Variants in NCOA1 observed in about 807,000 individuals in gnomAD.
NCOA1 encodes the protein Hin-2 protein.
In NCOA1, 35 loss-of-function variants were observed where a neutral mutation model predicts 150.9. The observed-to-expected ratio is 0.23, with a 90% CI of 0.18 to 0.31. NCOA1 has a LOEUF of 0.31. NCOA1 is among the 10% of genes least tolerant of loss of function. The pLI is 1.00. For missense variants in NCOA1, 1,491 were observed against 1,749.3 expected (o/e 0.85, Z 2.63); for synonymous variants, 590 against 630.0 (o/e 0.94, Z 0.95).
intron 19 of NCOA1, among the ~76,000 whole-genome samples, chr2:24,743,610 G>C (rs55821664): frequency 6.6e-6 from 1 of 152,288 alleles, no homozygotes; most frequent in African/African-American, 2.4e-5. Context: ...TTATTTCCAT[G>C]TGTCTTACAA....
intron 3 of NCOA1, among the ~76,000 whole-genome samples, chr2:24,605,520 A>G (rs1016279009): frequency 1.3e-5 from 2 of 152,192 alleles, no homozygotes; most frequent in Non-Finnish European, 2.9e-5. Flanking sequence ...TTTTTCTACT[A>G]TGAACAATTG....
chr2:24,587,868 C>G (rs1309125048), intron 3 of NCOA1, among the ~76,000 whole-genome samples: 5 of 152,150 alleles, frequency 3.3e-5, no homozygotes, highest in Non-Finnish European at 5.9e-5. Flanking sequence ...AAATCTGATT[C>G]AGTAAGTCTA....
At chr2:24,666,778 G>A (rs1264129071) in intron 6 of NCOA1, among the ~76,000 whole-genome samples, 1 of 151,972 alleles carries the variant, frequency 6.6e-6, no homozygotes, top group African/African-American at 2.4e-5. Flanking sequence ...GATTACAAGT[G>A]CGCGCCACTA....
intron 14 of NCOA1, among the ~76,000 whole-genome samples, chr2:24,714,384 C>T (rs910137619): frequency 2.6e-5 from 4 of 151,594 alleles, no homozygotes; most frequent in African/African-American, 9.7e-5. Flanking sequence ...GTTAATAGAT[C>T]CAGAAATGAC....
chr2:24,679,971 T>C (rs2148534039), intron 7 of NCOA1, among the ~76,000 whole-genome samples: 1 of 152,342 alleles, frequency 6.6e-6, no homozygotes, highest in Non-Finnish European at 1.5e-5. Flanking sequence ...TTATATTCTT[T>C]GTGATGGAGT....
At chr2:24,569,132 G>T (rs1021043812) in intron 2 of NCOA1, among the ~76,000 whole-genome samples, 1 of 151,904 alleles carries the variant, frequency 6.6e-6, no homozygotes, top group African/African-American at 2.4e-5. Context: ...GTGACTTTTT[G>T]TCATGATTTA....
chr2:24,593,117 A>G (rs1321330852), intron 3 of NCOA1, among the ~76,000 whole-genome samples: 3 of 152,178 alleles, frequency 2.0e-5, no homozygotes, highest in Non-Finnish European at 4.4e-5. Flanking sequence ...GTCAGGATCA[A>G]GAAGAGTCAA....
intron 13 of NCOA1, among the ~76,000 whole-genome samples, chr2:24,710,718 A>G (rs1572626712): frequency 3.3e-5 from 2 of 61,510 alleles, no homozygotes; most frequent in East Asian, 1.1e-3. Context: ...CAGTATATGA[A>G]TACTATTATC....
At chr2:24,661,967 T>C (rs558191910) in intron 5 of NCOA1, among the ~76,000 whole-genome samples, 2 of 152,356 alleles carry the variant, frequency 1.3e-5, no homozygotes, top group African/African-American at 4.8e-5. Context: ...TTAAAGATAA[T>C]TATATTCACA....
At chr2:24,573,965 C>T (rs13011390) in intron 2 of NCOA1, among the ~76,000 whole-genome samples, 66,378 of 148,618 alleles carry the variant, frequency 0.45, 16,325 homozygotes, top group Admixed American at 0.61. Flanking sequence ...GTAAAACAAA[C>T]GGACTCAACA....
chr2:24,768,607 T>C lies in NCOA1; in HGVS notation c.*216T>C. The stretch of plus-strand genomic sequence containing the variant: ...TCTTTCTTTGTAAAGGCCTTGGATA[T>C]TGAAAAAATACCAAGGCAGAACAGT... On this transcript the variant is annotated 3_prime_UTR_variant, in exon 23 of 23. Transcript: ENST00000348332. 1 of 348,030 alleles carries C rather than the reference T, an allele frequency of 2.9e-6. No homozygotes were observed. The highest frequency in any genetic ancestry group is 4.5e-5 in the Admixed American group (1 of 22,378). 21.6% of individuals were successfully genotyped at this position (348,030 alleles called of 1,614,324 possible).
intron 7 of NCOA1, among the ~76,000 whole-genome samples, chr2:24,679,456 G>A (rs1672064594): frequency 6.6e-6 from 1 of 152,044 alleles, no homozygotes; most frequent in South Asian, 2.1e-4. Flanking sequence ...CTTGAGGGTG[G>A]AATTCTGGCA....
chr2:24,538,077 T>G (rs1002567210), intron 1 of NCOA1, among the ~76,000 whole-genome samples: 76 of 152,320 alleles, frequency 5.0e-4, no homozygotes, highest in African/African-American at 1.5e-3. Flanking sequence ...AGAGATAGCT[T>G]TTTAAATGTT....
chr2:24,638,274 C>G (rs1670033318), intron 3 of NCOA1, among the ~76,000 whole-genome samples: 1 of 131,400 alleles, frequency 7.6e-6, no homozygotes, highest in Non-Finnish European at 1.6e-5. Context: ...CACTTAATGT[C>G]TTCCAGTTCC....
Position 24,719,823 on chromosome 2 carries a change from ATAT to A in NCOA1, c.2600-6761_2600-6759del, listed in dbSNP as rs1384577034. 2.6e-5 allele frequency among the ~76,000 whole-genome samples: 4 copies of A among 152,310 alleles called. No individual in the cohort carries two copies. In the East Asian group the frequency reaches 5.8e-4, roughly 22 times the overall value. ...ATTGATCTCCTTGAGTTTATAGAAA[ATAT>A]TATTGATAGATTTATGTCAGAATGT... is the stretch of plus-strand genomic sequence containing the variant. On this transcript the variant is annotated intron_variant, in intron 14 of 22. Transcript: ENST00000348332.
intron 3 of NCOA1, among the ~76,000 whole-genome samples, chr2:24,612,573 T>C (rs1668674795): frequency 6.6e-6 from 1 of 152,176 alleles, no homozygotes; most frequent in African/African-American, 2.4e-5. Flanking sequence ...CTTAAAGACT[T>C]TGTTCCTTTT....
At chr2:24,603,925 G>A (rs965643566) in intron 3 of NCOA1, among the ~76,000 whole-genome samples, 3 of 152,206 alleles carry the variant, frequency 2.0e-5, no homozygotes, top group Admixed American at 6.5e-5. Context: ...ATTTATGGCA[G>A]TTATAGCCTT....
chr2:24,543,040 T>G (rs915775182), intron 1 of NCOA1, among the ~76,000 whole-genome samples: 1 of 152,166 alleles, frequency 6.6e-6, no homozygotes, highest in African/African-American at 2.4e-5. Context: ...TCTTATTCTG[T>G]TTTGTATTGC....
intron 1 of NCOA1, among the ~76,000 whole-genome samples, chr2:24,520,037 A>G (rs1287481372): frequency 6.6e-6 from 1 of 152,242 alleles, no homozygotes; most frequent in Non-Finnish European, 1.5e-5. Context: ...TAATCATTAC[A>G]GAAGTGTGGA....
Sources: allele counts gnomAD v4.1 joint callset (sites outside exome capture counted in the v4.1 genomes callset), GRCh38; gene constraint gnomAD v4.1.1; transcripts MANE v1.5; gene names NCBI Gene and HGNC (gene_info 2026-07-23, HGNC 2026-07-21).